The following PALM2AKAP2 variants were observed in gnomAD, a reference collection of about 807,000 sequenced individuals.
The protein encoded by PALM2AKAP2 is PALM2 and AKAP2 fusion.
Under a neutral mutation model 71.5 loss-of-function variants are expected in PALM2AKAP2, and 37 were observed. That is an observed-to-expected ratio of 0.52 (90% CI 0.40 to 0.68). PALM2AKAP2 has a LOEUF of 0.68. Among genes scored for constraint, PALM2AKAP2 ranks in the 30% least tolerant of loss-of-function variants. The pLI is 0.00. For missense variants in PALM2AKAP2, 1,224 were observed against 1,191.8 expected (o/e 1.03, Z -0.40); for synonymous variants, 468 against 478.8 (o/e 0.98, Z 0.29).
intron 6 of PALM2AKAP2, among the ~76,000 whole-genome samples, chr9:109,980,101 C>T (rs1275608606): frequency 6.6e-6 from 1 of 152,142 alleles, no homozygotes; most frequent in African/African-American, 2.4e-5. Context: ...CTCACTGTGC[C>T]CTGTGCCCAT....
At chr9:109,943,552 G>C in intron 6 of PALM2AKAP2, 3 of 1,315,844 alleles carry the variant, frequency 2.3e-6, no homozygotes, top group Non-Finnish European at 3.1e-6. Context: ...CAGTTGAATT[G>C]CTTTGATCTC....
At chr9:109,979,769 T>G (rs1017591636) in intron 6 of PALM2AKAP2, among the ~76,000 whole-genome samples, 3 of 152,182 alleles carry the variant, frequency 2.0e-5, no homozygotes, top group African/African-American at 7.2e-5. Context: ...ATTGTTGGAT[T>G]TGGTGAATGA....
intron 6 of PALM2AKAP2, among the ~76,000 whole-genome samples, chr9:109,964,033 AC>A (rs1319637947): frequency 2.0e-5 from 3 of 152,234 alleles, no homozygotes; most frequent in Non-Finnish European, 4.4e-5. Context: ...CCAAGAACTC[AC>A]AATTTGAACT....
intron 1 of PALM2AKAP2, chr9:109,760,705 C>G (rs775728357): frequency 1.3e-5 from 2 of 152,192 alleles, no homozygotes; most frequent in Non-Finnish European, 2.9e-5. Flanking sequence ...AACCCAGAAA[C>G]TAGCACTGTG....
intron 6 of PALM2AKAP2, among the ~76,000 whole-genome samples, chr9:109,949,396 C>T (rs886898030): frequency 1.8e-4 from 27 of 152,122 alleles, no homozygotes; most frequent in African/African-American, 4.3e-4. Context: ...TGTGCCCATT[C>T]GTTATAGTCG....
chr9:109,841,064 A>C (rs2131583236), intron 1 of PALM2AKAP2, among the ~76,000 whole-genome samples: 1 of 152,348 alleles, frequency 6.6e-6, no homozygotes, highest in East Asian at 1.9e-4. Context: ...AGACACATGC[A>C]CAGGTATGTT....
At chr9:110,091,634 T>TC (rs1002836130) in intron 1 of PALM2AKAP2, among the ~76,000 whole-genome samples, 13 of 151,940 alleles carry the variant, frequency 8.6e-5, no homozygotes, top group Non-Finnish European at 1.0e-4. Context: ...GGCTAATTTT[T>TC]TGTATTTTTA....
chr9:110,007,743 A>G (rs1412340117), intron 6 of PALM2AKAP2, among the ~76,000 whole-genome samples: 3 of 152,212 alleles, frequency 2.0e-5, no homozygotes, highest in Non-Finnish European at 2.9e-5. Flanking sequence ...CGAAAGGCTA[A>G]TAATTGGTGG....
chr9:110,051,631 T>G (rs1026850811), intron 1 of PALM2AKAP2, among the ~76,000 whole-genome samples: 2 of 152,198 alleles, frequency 1.3e-5, no homozygotes, highest in African/African-American at 4.8e-5. Flanking sequence ...TTTTAACAGT[T>G]GAAACAGGAG....
chr9:109,653,685 A>G (rs1281838463), intron 1 of PALM2AKAP2, among the ~76,000 whole-genome samples: 2 of 152,188 alleles, frequency 1.3e-5, no homozygotes, highest in Non-Finnish European at 2.9e-5. Context: ...GTTCCCAACA[A>G]GCTTCCCAGG....
intron 6 of PALM2AKAP2, among the ~76,000 whole-genome samples, chr9:109,972,536 G>GCTTC (rs1210518186): frequency 6.6e-6 from 1 of 152,206 alleles, no homozygotes; most frequent in African/African-American, 2.4e-5. Flanking sequence ...AGGCTCTGCT[G>GCTTC]CTGACTGGCT....
At chr9:110,108,543 T>C (rs1835169991) in intron 1 of PALM2AKAP2, among the ~76,000 whole-genome samples, 1 of 152,212 alleles carries the variant, frequency 6.6e-6, no homozygotes. Flanking sequence ...TTGTACTGCC[T>C]ACCACTCTTT....
At chr9:110,120,650 T>G (rs1835464809) in intron 1 of PALM2AKAP2, among the ~76,000 whole-genome samples, 1 of 152,224 alleles carries the variant, frequency 6.6e-6, no homozygotes, top group Non-Finnish European at 1.5e-5. Flanking sequence ...ATTACAGGCA[T>G]GTGCCACTAC....
chr9:109,800,589 T>G (rs967657203), intron 1 of PALM2AKAP2, among the ~76,000 whole-genome samples: 1 of 147,126 alleles, frequency 6.8e-6, no homozygotes, highest in Non-Finnish European at 1.5e-5. Flanking sequence ...CAGCTCAGAT[T>G]TGACCTCAGG....
intron 1 of PALM2AKAP2, among the ~76,000 whole-genome samples, chr9:109,792,864 A>G (rs1827155152): frequency 6.6e-6 from 1 of 152,176 alleles, no homozygotes. Flanking sequence ...TTTATATTAA[A>G]ATATTATTTG....
chr9:109,664,148 C>T (rs1374768494), intron 1 of PALM2AKAP2, among the ~76,000 whole-genome samples: 1 of 152,054 alleles, frequency 6.6e-6, no homozygotes, highest in Non-Finnish European at 1.5e-5. Flanking sequence ...CTCCAATTTG[C>T]CAGTCTGTGT....
At chr9:109,823,684 G>C (rs1159349937) in intron 1 of PALM2AKAP2, among the ~76,000 whole-genome samples, 2 of 152,150 alleles carry the variant, frequency 1.3e-5, no homozygotes, top group Non-Finnish European at 2.9e-5. Context: ...CCCTGTTACT[G>C]TGGGAAATCC....
rs151330293 is a variant in PALM2AKAP2 at position 109,662,309 on chromosome 9, C to T, written c.5+21443C>T. Among the ~76,000 whole-genome samples the T allele has an allele frequency of 4.7e-3, 718 of 152,180 alleles. 9 individuals carry two copies. Among genetic ancestry groups the T allele is most frequent in the African/African-American group, 0.016 (684 of 41,524 alleles). ...TATGATATTGGCTGTGGATTTGTCACAAATAGCTCTTATTATTTTGAAATA... is the reference window on the plus strand; with the variant it reads ...TATGATATTGGCTGTGGATTTGTCATAAATAGCTCTTATTATTTTGAAATA... On this transcript the variant is annotated intron_variant, in intron 1 of 6. Transcript: ENST00000374531.
intron 1 of PALM2AKAP2, among the ~76,000 whole-genome samples, chr9:109,686,646 A>G (rs1827809090): frequency 6.6e-6 from 1 of 151,374 alleles, no homozygotes; most frequent in Admixed American, 6.6e-5. Flanking sequence ...TTATTTTTTT[A>G]CTTTTATTTT....
Sources: gnomAD v4.1 joint callset for allele counts (sites outside exome capture counted in the v4.1 genomes callset) on GRCh38, gnomAD v4.1.1 for gene constraint, MANE v1.5 for transcripts, NCBI Gene and HGNC (gene_info 2026-07-23, HGNC 2026-07-21) for gene names.